HERC1: variants seen among roughly 807,000 people sequenced by gnomAD.
HERC1 encodes the protein probable E3 ubiquitin-protein ligase HERC1.
HERC1 carries 160 observed loss-of-function variants against 554.3 expected under a neutral mutation model. The observed-to-expected ratio is 0.29, with a 90% confidence interval of 0.25 to 0.33. The LOEUF is 0.33. HERC1 is among the 10% of genes least tolerant of loss of function. HERC1 has a pLI of 1.00. For synonymous variants in HERC1, 2,175 were observed against 2,131.7 expected (o/e 1.02, Z -0.56); for missense variants, 4,919 against 5,918.5 (o/e 0.83, Z 5.54).
At chr15:63,789,763 G>A (rs1327499349) in intron 1 of HERC1, among the ~76,000 whole-genome samples, 1 of 150,830 alleles carries the variant, frequency 6.6e-6, no homozygotes, top group Non-Finnish European at 1.5e-5. Context: ...ATGCCACCCA[G>A]GTCTCTCCAG....
intron 3 of HERC1, among the ~76,000 whole-genome samples, chr15:63,761,897 G>A (rs1223692091): frequency 1.3e-5 from 2 of 152,186 alleles, no homozygotes; most frequent in African/African-American, 4.8e-5. Flanking sequence ...CTGTGAATTT[G>A]AAAGTATCAG....
At chr15:63,830,841 G>A (rs910958649) in intron 1 of HERC1, among the ~76,000 whole-genome samples, 1 of 152,034 alleles carries the variant, frequency 6.6e-6, no homozygotes, top group Non-Finnish European at 1.5e-5. Flanking sequence ...TAGAGAGCCC[G>A]GTAGGCAACA....
intron 33 of HERC1, among the ~76,000 whole-genome samples, chr15:63,689,197 G>GA (rs145440324): frequency 0.055 from 8,396 of 151,588 alleles, 285 homozygotes; most frequent in Non-Finnish European, 0.074. Flanking sequence ...GTAAGAAGTG[G>GA]AAAAAAAAGG....
At chr15:63,627,718 G>A (rs898163874) in intron 70 of HERC1, among the ~76,000 whole-genome samples, 1 of 150,930 alleles carries the variant, frequency 6.6e-6, no homozygotes. Flanking sequence ...GAAGAAATGT[G>A]TAAGAATGAC....
Position 63,756,394 on chromosome 15 carries a change from C to CA in HERC1, c.1533+42dup, listed in dbSNP as rs771345563. 2 of 1,470,404 alleles carry CA rather than the reference C, an allele frequency of 1.4e-6. No homozygotes were observed. The highest frequency in any genetic ancestry group is 2.8e-5 in the African/African-American group (2 of 71,304). The allele number at this position is 1,470,404 out of a possible 1,614,324, so 91.1% of individuals were successfully genotyped here. On this transcript the variant is annotated intron_variant, in intron 5 of 77. Coordinates refer to ENST00000443617, the MANE Select transcript of HERC1 (RefSeq NM_003922.4). This position sits in a 1 kb window ranked among gnomAD's most constrained non-coding sequence, Gnocchi z 5.0. Reference sequence around the variant, plus strand: ...TGAACGACATTGTCAATTACAACTCCAATGCATCTAATTATTTTTATAACC... The same window carrying CA: ...TGAACGACATTGTCAATTACAACTCCAAATGCATCTAATTATTTTTATAACC...
chr15:63,746,796 C>G lies in HERC1; in HGVS notation c.2520+122G>C, dbSNP rs982088382. ...ACCAAAAATACTCTCACCAAGAAAA[C>G]AGGAGTAAGGGAAACAACATCCAAT... On this transcript the variant is annotated intron_variant, in intron 12 of 77. Transcript: ENST00000443617. 12 of 846,412 alleles carry G rather than the reference C, an allele frequency of 1.4e-5. No individual in the cohort carries two copies. The African/African-American group carries it at 2.1e-4, about 15-fold the overall frequency. 52.4% of individuals were successfully genotyped at this position (846,412 alleles called of 1,614,324 possible).
At chr15:63,627,336 G>C (rs938136178) in intron 70 of HERC1, among the ~76,000 whole-genome samples, 19 of 152,130 alleles carry the variant, frequency 1.2e-4, no homozygotes, top group African/African-American at 3.9e-4. Context: ...AAATTCTAGT[G>C]CCTTAGACAC....
intron 25 of HERC1, among the ~76,000 whole-genome samples, chr15:63,704,086 TCTGGTCTATACTGACAAAAAAGGAAAA>T (rs2072874245): frequency 1.3e-5 from 2 of 152,094 alleles, no homozygotes; most frequent in African/African-American, 2.4e-5. Context: ...GCTTAAGGCA[TCTGGTCTATACTGACAAAAAAGGAAAA>T]AAAATACAGT....
intron 70 of HERC1, among the ~76,000 whole-genome samples, chr15:63,627,619 A>C (rs1395849309): frequency 6.6e-6 from 1 of 151,982 alleles, no homozygotes; most frequent in African/African-American, 2.4e-5. Context: ...GGTTGCAGTA[A>C]GCCGAGATTG....
intron 74 of HERC1, among the ~76,000 whole-genome samples, chr15:63,617,441 C>T (rs539080872): frequency 6.6e-6 from 1 of 152,294 alleles, no homozygotes; most frequent in African/African-American, 2.4e-5. Flanking sequence ...CAAGTCTTTC[C>T]TATTATGAAT....
intron 40 of HERC1, among the ~76,000 whole-genome samples, chr15:63,668,485 AAAAC>A (rs967265739): frequency 2.0e-4 from 31 of 152,278 alleles, no homozygotes; most frequent in Admixed American, 7.8e-4. Flanking sequence ...GCTGTCTCTA[AAAAC>A]AAACAAACAA....
At chr15:63,708,584 T>C (rs2073135148) in intron 24 of HERC1, among the ~76,000 whole-genome samples, 1 of 152,228 alleles carries the variant, frequency 6.6e-6, no homozygotes, top group African/African-American at 2.4e-5. Flanking sequence ...AACTTAGGGT[T>C]GGTATTCTCT....
intron 1 of HERC1, among the ~76,000 whole-genome samples, chr15:63,814,869 T>A (rs2077444990): frequency 6.6e-6 from 1 of 152,184 alleles, no homozygotes; most frequent in Non-Finnish European, 1.5e-5. Flanking sequence ...GTTAAGAGGA[T>A]CAAATAAGAA....
intron 1 of HERC1, among the ~76,000 whole-genome samples, chr15:63,827,241 A>G (rs55892920): frequency 1.3e-5 from 2 of 152,112 alleles, no homozygotes; most frequent in Non-Finnish European, 2.9e-5. Context: ...CCTGGGCAAC[A>G]TGACAAAACC....
Position 63,665,956 on chromosome 15 carries a change from C to G in HERC1, c.8518G>C (p.Ala2840Pro). The G allele has an allele frequency of 1.9e-6, 3 of 1,613,942 alleles. No homozygotes were observed. Among genetic ancestry groups the G allele is most frequent in the Non-Finnish European group, 2.5e-6 (3 of 1,179,834 alleles). The change falls in exon 42 of 78, where the codon GCT becomes CCT. Residue 2840 changes from alanine to proline, a missense_variant. Ala to Pro is a conservative substitution (Grantham distance 27). Around this residue, in one of 11 missense-constraint regions of HERC1, gnomAD observed 1,963 missense variants for 2,228.6 expected, o/e 0.88. Coordinates refer to ENST00000443617, the MANE Select transcript of HERC1 (RefSeq NM_003922.4). ...CCTTCCTCCATTTCAGCAGCATCAG[C>G]TGATGGTATGTCTCCAGGTGACTGC... ...YLQSPGDIPS[A>P]DAAEMEEGFS...
At chr15:63,820,358 T>C (rs1437034369) in intron 1 of HERC1, among the ~76,000 whole-genome samples, 1 of 152,180 alleles carries the variant, frequency 6.6e-6, no homozygotes, top group Non-Finnish European at 1.5e-5. Flanking sequence ...TCATTATACA[T>C]GACTGAATAC....
intron 1 of HERC1, among the ~76,000 whole-genome samples, chr15:63,822,938 T>C (rs1280474292): frequency 6.6e-6 from 1 of 152,184 alleles, no homozygotes; most frequent in Non-Finnish European, 1.5e-5. Flanking sequence ...AGTTGAATGG[T>C]CCTGCCATTT....
At position 63,622,825 on chromosome 15, in the gene HERC1, T is replaced by A; in HGVS notation, c.13678A>T (p.Asn4560Tyr). The change falls in exon 74 of 78, where the codon AAT (asparagine) becomes TAT (tyrosine). Residue 4560 changes from asparagine (N) to tyrosine (Y), a missense_variant. Physicochemically the swap from Asn to Tyr is moderately radical, Grantham distance 143. This residue lies in a region of HERC1 where 284 missense variants were observed against 294.1 expected (regional missense o/e 0.97). Transcript: ENST00000443617. ...SPNATAEVGY[N>Y]RDRFLFNPSA... is the part of the protein sequence containing the mutation. ...TGCTGACTGCCATACCTGTCCCTAT[T>A]GTAACCCACTTCTGCGGTGGCATTG... 1 of 1,605,248 alleles carries A rather than the reference T, an allele frequency of 6.2e-7. No individual in the cohort carries two copies. The highest frequency in any genetic ancestry group is 2.2e-5 in the East Asian group (1 of 44,772).
In HERC1 at chr15:63,645,038, T is replaced by A. The variant is rs546394617; in HGVS notation, c.11138A>T (p.Asn3713Ile). 6 of 1,613,848 alleles carry A rather than the reference T, an allele frequency of 3.7e-6. No homozygotes were observed. Among genetic ancestry groups the A allele is most frequent in the East Asian group, 2.2e-5 (1 of 44,870 alleles). Reference protein sequence around the residue: ...WRIPQDTTQTNVTSAEGWWEQ... With the variant: ...WRIPQDTTQTIVTSAEGWWEQ... ...CCACCATCCTTCTGCACTAGTCACA[T>A]TGGTCTGTGTAGTATCTTGAGGAAT... The change falls in exon 57 of 78, where the codon AAT becomes ATT. Residue 3713 changes from asparagine (N) to isoleucine (I), a missense_variant. Physicochemically the swap from Asn to Ile is moderately radical, Grantham distance 149 (BLOSUM62 -3). Coordinates refer to ENST00000443617, the MANE Select transcript of HERC1 (RefSeq NM_003922.4).
Sources: gnomAD v4.1 joint callset for allele counts (sites outside exome capture counted in the v4.1 genomes callset) on GRCh38, gnomAD v4.1.1 for gene constraint, gnomAD v4.1.1 regional missense constraint, Gnocchi (gnomAD v3.1) non-coding constraint, MANE v1.5 for transcripts, NCBI Gene and HGNC (gene_info 2026-07-23, HGNC 2026-07-21) for gene names.